Variants in ATG2B observed in about 807,000 individuals in gnomAD.
The protein encoded by ATG2B is autophagy related 2B.
ATG2B carries 121 observed loss-of-function variants against 241.3 expected under a neutral mutation model. The observed-to-expected ratio is 0.50, with a 90% CI of 0.43 to 0.58. ATG2B has a LOEUF of 0.58. Ranked by LOEUF, ATG2B falls within the 20% of genes least tolerant of loss-of-function variation. The pLI is 0.00. For missense variants in ATG2B, 2,306 were observed against 2,491.6 expected, an observed-to-expected ratio of 0.93 and a Z score of 1.59; for synonymous variants, 858 against 876.6, an observed-to-expected ratio of 0.98 and a Z score of 0.37.
intron 32 of ATG2B, among the ~76,000 whole-genome samples, chr14:96,303,882 A>C (rs911234956): frequency 1.3e-5 from 2 of 152,246 alleles, no homozygotes; most frequent in African/African-American, 4.8e-5. Context: ...CATACCTATG[A>C]AATTGCTTTA....
chr14:96,293,730 A>G (rs1189383904), intron 36 of ATG2B, among the ~76,000 whole-genome samples: 1 of 152,210 alleles, frequency 6.6e-6, no homozygotes, highest in African/African-American at 2.4e-5. Context: ...ACAAATGAAA[A>G]TCTATAAGCT....
chr14:96,334,454 T>G lies in ATG2B; in HGVS notation c.972A>C (p.Pro324=). 1 of 1,611,458 alleles carries G rather than the reference T, an allele frequency of 6.2e-7. No individual in the cohort carries two copies. Among genetic ancestry groups the G allele is most frequent in the Non-Finnish European group, 8.5e-7 (1 of 1,179,068 alleles). ...TATCCAAAAGCAAGTGCACCTGTCT[T>G]GGTGACAGGAGTAGATGAATAGAGT... ...QIDSIHLLLS[P]RQVHLLLDML... is the part of the protein sequence containing the mutation. Residue 324 remains proline (P), a synonymous_variant, in exon 7 of 42, where the codon CCA becomes CCC. Transcript: ENST00000359933.
chr14:96,302,934 G>A, intron 33 of ATG2B, 127 bp downstream of exon 33: 1 of 714,820 alleles, frequency 1.4e-6, no homozygotes, highest in Non-Finnish European at 2.1e-6. Context: ...ACATTCAAAA[G>A]GGACTTTTCA....
chr14:96,309,538 T>C lies in ATG2B; in HGVS notation c.4218A>G (p.Gln1406=). 2 of 1,614,126 alleles carry C rather than the reference T, an allele frequency of 1.2e-6. No individual in the cohort carries two copies. The highest frequency in any genetic ancestry group is 1.7e-6 in the Non-Finnish European group (2 of 1,179,974). ...CACTCATCAGATCTCGTAACATTTG[T>C]TGATCTGCTTCAGGAAGTACTGGAC... ...SRGPVLPEAD[Q]QMLRDLMSDA... is the part of the protein sequence containing the mutation. Residue 1406 remains glutamine (Q), a synonymous_variant, in exon 29 of 42, where the codon CAA becomes CAG. Coordinates refer to ENST00000359933, the MANE Select transcript of ATG2B (RefSeq NM_018036.7).
At chr14:96,297,949 G>A (rs1886692617) in intron 34 of ATG2B, among the ~76,000 whole-genome samples, 1 of 151,860 alleles carries the variant, frequency 6.6e-6, no homozygotes, top group South Asian at 2.1e-4. Context: ...GCACCACCAT[G>A]CCTGGCTATT....
chr14:96,281,215 T>G lies in ATG2B; in HGVS notation c.*4540A>C, dbSNP rs1886190294. On this transcript the variant is annotated 3_prime_UTR_variant, in exon 42 of 42. Coordinates refer to ENST00000359933, the MANE Select transcript of ATG2B (RefSeq NM_018036.7). ...ACCCCAATAAGTATTTTACACAAGT[T>G]TTGGGAACACTTCTTGGTGAAAGAC... 6.6e-6 allele frequency: 1 copy of G among 152,122 alleles called. No homozygotes were observed. Among genetic ancestry groups the G allele is most frequent in the Admixed American group, 6.5e-5 (1 of 15,280 alleles). 9.4% of individuals were successfully genotyped at this position (152,122 alleles called of 1,614,324 possible).
In ATG2B at chr14:96,343,227, T is replaced by C. The variant is rs1293255885; in HGVS notation, c.636A>G (p.Gln212=). Residue 212 remains glutamine (Q), a synonymous_variant, in exon 5 of 42, where the codon CAA becomes CAG. Transcript: ENST00000359933. ...GTAACTTGTGAGCAAAAGCAGTGGG[T>C]TGATGCACATTAATTCCTGAGGATT... ...ADESSGINVH[Q]PTAFAHKLLQ... 2 of 1,611,832 alleles carry C rather than the reference T, an allele frequency of 1.2e-6. No homozygotes were observed. Among genetic ancestry groups the C allele is most frequent in the African/African-American group, 1.3e-5 (1 of 74,926 alleles).
chr14:96,338,923 A>G (rs566503386), intron 6 of ATG2B, among the ~76,000 whole-genome samples: 1 of 152,328 alleles, frequency 6.6e-6, no homozygotes, highest in Admixed American at 6.5e-5. Flanking sequence ...CAAGGAGTTC[A>G]AACAAATCGG....
At position 96,325,738 on chromosome 14, in the gene ATG2B, G is replaced by T. The variant is rs759171717; in HGVS notation, c.2348C>A (p.Ala783Asp). ...AGTCTTAAATTCTAGATCTGTGAAG[G>T]CTAAATAAAGGATCTCCTTCTGAAG... ...KSLQKEILYL[A>D]FTDLEFKTEF... Residue 783 changes from alanine to aspartate, a missense_variant, in exon 15 of 42, where the codon GCC (alanine) becomes GAC (aspartate). By Grantham distance (126) the Ala-to-Asp change is moderately radical (BLOSUM62 -2). Coordinates refer to ENST00000359933, the MANE Select transcript of ATG2B (RefSeq NM_018036.7). 5 of 1,613,770 alleles carry T rather than the reference G, an allele frequency of 3.1e-6. No homozygotes were observed. The highest frequency in any genetic ancestry group is 3.4e-6 in the Non-Finnish European group (4 of 1,179,880).
At chr14:96,299,864 T>C (rs936238578) in intron 34 of ATG2B, among the ~76,000 whole-genome samples, 1 of 152,210 alleles carries the variant, frequency 6.6e-6, no homozygotes, top group African/African-American at 2.4e-5. Context: ...AGAAAAATAA[T>C]ACTCAAAGCA....
chr14:96,292,053 A>G lies in ATG2B; in HGVS notation c.5472T>C (p.His1824=). ...CCTGATCCATTGATACATGTTTGCC[A>G]TGATAATCAAGTCGAATGGGAACTT... ...TSEVPIRLDY[H]GKHVSMDQGT... The change falls in exon 37 of 42, where the codon CAT becomes CAC. Residue 1824 remains histidine, a synonymous_variant. Coordinates refer to ENST00000359933, the MANE Select transcript of ATG2B (RefSeq NM_018036.7). The G allele has an allele frequency of 6.2e-7, 1 of 1,600,042 alleles. No individual in the cohort carries two copies. Among genetic ancestry groups the G allele is most frequent in the African/African-American group, 1.3e-5 (1 of 74,634 alleles).
chr14:96,309,697 T>C, intron 28 of ATG2B, 103 bp from the exon 29 acceptor site: 1 of 1,129,690 alleles, frequency 8.9e-7, no homozygotes, highest in South Asian at 2.0e-5. Flanking sequence ...TACAAAAACA[T>C]CAGAAATAGA....
At chr14:96,357,842 G>A (rs951094419) in intron 1 of ATG2B, among the ~76,000 whole-genome samples, 1 of 152,140 alleles carries the variant, frequency 6.6e-6, no homozygotes, top group Admixed American at 6.5e-5. Flanking sequence ...TGGAAGAGAT[G>A]GGATTAAGCT....
rs758528785 is a variant in ATG2B at position 96,305,683 on chromosome 14, G to A, written c.4639C>T (p.Arg1547Cys). 16 of 1,613,974 alleles carry A rather than the reference G, an allele frequency of 9.9e-6. No individual in the cohort carries two copies. Among genetic ancestry groups the A allele is most frequent in the South Asian group, 8.8e-5 (8 of 91,084 alleles). The part of the protein sequence containing the change: ...APLHFPIPVI[R>C]YVVKEVSLVW... The stretch of plus-strand genomic sequence containing the variant: ...AGAGAGACCTCCTTCACCACATAGC[G>A]AATCACAGGAATGGGAAAGTGTAAG... The change falls in exon 31 of 42, where the codon CGC (arginine) becomes TGC (cysteine). Residue 1547 changes from arginine to cysteine, a missense_variant. By Grantham distance (180) the Arg-to-Cys change is radical. This residue lies in a region of ATG2B where 1,927 missense variants were observed against 2,011.2 expected (regional missense o/e 0.96). Transcript: ENST00000359933.
chr14:96,333,934 T>C lies in ATG2B; in HGVS notation c.1022-61A>G, dbSNP rs1887806771. The C allele has an allele frequency of 4.7e-6, 7 of 1,481,746 alleles. No homozygotes were observed. In the Admixed American group the frequency reaches 1.2e-4, roughly 26 times the overall value. 91.8% of individuals were successfully genotyped at this position (1,481,746 alleles called of 1,614,324 possible). ...AAATTTGGAGTTAATTAAGCATTTC[T>C]TTCCCAAAACCCATTTATGGAACAA... On this transcript the variant is annotated intron_variant, in intron 7 of 41. Transcript: ENST00000359933.
In ATG2B at chr14:96,283,198, A is replaced by G. The variant is rs1406404676; in HGVS notation, c.*2557T>C. ...CATTGTGGGGTCCTGCAACTTGCTG[A>G]CAGATCTCGATGGAGCTGCTTATGG... On this transcript the variant is annotated 3_prime_UTR_variant, in exon 42 of 42. Coordinates refer to ENST00000359933, the MANE Select transcript of ATG2B (RefSeq NM_018036.7). 1 of 152,180 alleles carries G rather than the reference A, an allele frequency of 6.6e-6. No homozygotes were observed. The highest frequency in any genetic ancestry group is 2.4e-5 in the African/African-American group (1 of 41,408). The allele number at this position is 152,180 out of a possible 1,614,324, so 9.4% of individuals were successfully genotyped here. A position where few individuals can be genotyped will look rare whatever the true frequency, so the allele number is the denominator to read the frequency against.
chr14:96,343,220 C>T lies in ATG2B; in HGVS notation c.643G>A (p.Ala215Thr). ...AGCTGAAGTAACTTGTGAGCAAAAG[C>T]AGTGGGTTGATGCACATTAATTCCT... ...SSGINVHQPTAFAHKLLQLSG... is the reference protein window; with the variant it reads ...SSGINVHQPTTFAHKLLQLSG... Residue 215 changes from alanine (A) to threonine (T), a missense_variant, in exon 5 of 42, where the codon GCT (alanine) becomes ACT (threonine). By Grantham distance (58) the Ala-to-Thr change is moderately conservative. Transcript: ENST00000359933. 2 of 1,612,044 alleles carry T rather than the reference C, an allele frequency of 1.2e-6. No individual in the cohort carries two copies. The highest frequency in any genetic ancestry group is 1.7e-6 in the Non-Finnish European group (2 of 1,178,854).
At chr14:96,345,204 A>G in intron 3 of ATG2B, 29 bp downstream of exon 3, 1 of 1,588,868 alleles carries the variant, frequency 6.3e-7, no homozygotes, top group East Asian at 2.3e-5. Context: ...TCAAATCTAA[A>G]TTTTTGAAAA....
At chr14:96,338,678 A>T (rs990699935) in intron 6 of ATG2B, among the ~76,000 whole-genome samples, 2 of 152,202 alleles carry the variant, frequency 1.3e-5, no homozygotes, top group Admixed American at 6.5e-5. Flanking sequence ...ACTTGAAACC[A>T]TAAAAATTCT....
Sources: allele counts gnomAD v4.1 joint callset (sites outside exome capture counted in the v4.1 genomes callset), GRCh38; gene constraint gnomAD v4.1.1; regional missense constraint gnomAD v4.1.1; transcripts MANE v1.5; gene names NCBI Gene and HGNC (gene_info 2026-07-23, HGNC 2026-07-21).